Variants in ZFAT observed in about 807,000 individuals in gnomAD.
The protein encoded by ZFAT is zinc finger protein ZFAT.
In ZFAT, 64 loss-of-function variants were observed where a neutral mutation model predicts 117.7. That is an observed-to-expected ratio of 0.54 (90% CI 0.44 to 0.67). ZFAT has a LOEUF of 0.67. Among genes scored for constraint, ZFAT ranks in the 30% least tolerant of loss-of-function variants. The pLI is 0.00. For synonymous variants in ZFAT, 679 were observed against 615.0 expected, an observed-to-expected ratio of 1.10 and a Z score of -1.54; for missense variants, 1,433 against 1,584.5, an observed-to-expected ratio of 0.90 and a Z score of 1.62.
rs548556809 is a variant in ZFAT, at chr8:134,574,623, A to G, written c.2888-9202T>C. On this transcript the variant is annotated intron_variant, in intron 10 of 15. Coordinates refer to ENST00000377838, the MANE Select transcript of ZFAT (RefSeq NM_020863.4). ...CAGAACACAGAGAGAGACGGCAATGAAAAATTCCTTGGGATTTAAGGCAAC... is the reference window on the plus strand; with the variant it reads ...CAGAACACAGAGAGAGACGGCAATGGAAAATTCCTTGGGATTTAAGGCAAC... 1.6e-3 allele frequency among the ~76,000 whole-genome samples: 243 copies of G among 152,242 alleles called. 1 individual carries two copies. The highest frequency in any genetic ancestry group is 5.6e-3 in the African/African-American group (232 of 41,554).
intron 15 of ZFAT, among the ~76,000 whole-genome samples, chr8:134,483,739 T>G (rs1817475909): frequency 6.6e-6 from 1 of 152,206 alleles, no homozygotes; most frequent in African/African-American, 2.4e-5. Context: ...GGCACCGTGT[T>G]CTGCTGTTCC....
intron 1 of ZFAT, among the ~76,000 whole-genome samples, chr8:134,675,637 C>A (rs1449188742): frequency 3.3e-5 from 5 of 152,056 alleles, no homozygotes; most frequent in Non-Finnish European, 5.9e-5. Flanking sequence ...AAGAGCAACC[C>A]CAAGACACAT....
the ZFAT span, among the ~76,000 whole-genome samples, chr8:134,762,968 T>A: frequency 1.1e-4 from 17 of 152,158 alleles, no homozygotes; most frequent in Non-Finnish European, 2.1e-4. Flanking sequence ...TCCTCCCCTG[T>A]CTAAGCCACC....
upstream of ZFAT, among the ~76,000 whole-genome samples, chr8:134,717,463 A>C (rs1814223543): frequency 8.4e-5 from 2 of 23,874 alleles, no homozygotes; most frequent in African/African-American, 9.0e-5. Flanking sequence ...GTCAATAACA[A>C]CTCTTTTTTT....
the ZFAT span, among the ~76,000 whole-genome samples, chr8:134,772,100 T>A: frequency 1.1e-4 from 16 of 152,156 alleles, no homozygotes; most frequent in African/African-American, 3.9e-4. Flanking sequence ...AGGCAAACCA[T>A]ATCACTCCCT....
In ZFAT at chr8:134,600,983, G is replaced by A. The variant is rs531542166; in HGVS notation, c.2243-315C>T. 1.1e-4 allele frequency among the ~76,000 whole-genome samples: 17 copies of A among 152,180 alleles called. No individual in the cohort carries two copies. The East Asian group carries it at 1.4e-3, about 12-fold the overall frequency. ...AATCTACAAATCTCTAAGTTCTACC[G>A]GCCCTCCTGGGACAGCAGGTCTGGA... On this transcript the variant is annotated intron_variant, in intron 6 of 15. Transcript: ENST00000377838.
intron 9 of ZFAT, 61 bp downstream of exon 9, chr8:134,588,185 A>G: frequency 6.7e-7 from 1 of 1,499,108 alleles, no homozygotes; most frequent in Non-Finnish European, 8.9e-7. Flanking sequence ...ATGTACTCCC[A>G]AAATGAAGGA....
the ZFAT span, among the ~76,000 whole-genome samples, chr8:134,783,074 GTTT>G: frequency 6.6e-6 from 1 of 151,696 alleles, no homozygotes; most frequent in Admixed American, 6.6e-5. Flanking sequence ...TTTAGTAATT[GTTT>G]TGTTTTTAAG....
intron 3 of ZFAT, among the ~76,000 whole-genome samples, chr8:134,624,407 G>C (rs1197026758): frequency 6.6e-6 from 1 of 151,960 alleles, no homozygotes; most frequent in African/African-American, 2.4e-5. Context: ...TGTAATCCCA[G>C]CACTTTGGGA....
chr8:134,746,382 C>T, the ZFAT span, among the ~76,000 whole-genome samples: 260 of 152,330 alleles, frequency 1.7e-3, 3 homozygotes, highest in African/African-American at 5.6e-3. Flanking sequence ...ATGTCTAAAA[C>T]GTAGAACACC....
At chr8:134,486,567 T>C (rs1295901137) in intron 15 of ZFAT, among the ~76,000 whole-genome samples, 1 of 152,046 alleles carries the variant, frequency 6.6e-6, no homozygotes, top group African/African-American at 2.4e-5. Flanking sequence ...GCTCAGGAAA[T>C]GAACAGAGAA....
At chr8:134,523,106 C>T (rs1313395158) in intron 12 of ZFAT, among the ~76,000 whole-genome samples, 1 of 152,198 alleles carries the variant, frequency 6.6e-6, no homozygotes, top group Non-Finnish European at 1.5e-5. Flanking sequence ...TAAGATTCCT[C>T]CATCATCCTG....
the ZFAT span, among the ~76,000 whole-genome samples, chr8:134,764,144 C>T: frequency 6.6e-6 from 1 of 152,162 alleles, no homozygotes; most frequent in Admixed American, 6.5e-5. Context: ...CAAAGAATGG[C>T]TGAGAAAATA....
At chr8:134,664,650 C>T (rs558559407) in intron 1 of ZFAT, among the ~76,000 whole-genome samples, 50 of 152,296 alleles carry the variant, frequency 3.3e-4, no homozygotes, top group African/African-American at 9.4e-4. Flanking sequence ...GAGAGGGCGC[C>T]GGGTCAGGCT....
intron 2 of ZFAT, among the ~76,000 whole-genome samples, chr8:134,650,720 T>C (rs1229431964): frequency 1.3e-5 from 2 of 152,190 alleles, no homozygotes; most frequent in Non-Finnish European, 2.9e-5. Flanking sequence ...TATTGATCAA[T>C]GAAATAGAAT....
rs777855048 is a variant in ZFAT at position 134,645,592 on chromosome 8, T to C, written c.197-7880A>G. Among the ~76,000 whole-genome samples, 4 of 152,202 alleles carry C rather than the reference T, an allele frequency of 2.6e-5. No individual in the cohort carries two copies. The South Asian group carries it at 6.2e-4, about 24-fold the overall frequency. ...AGTAGGCTCAATGATAAGAATTTGA[T>C]TATTCCTGGACTACCACCATAACAT... On this transcript the variant is annotated intron_variant, in intron 2 of 15. Coordinates refer to ENST00000377838, the MANE Select transcript of ZFAT (RefSeq NM_020863.4).
intron 5 of ZFAT, among the ~76,000 whole-genome samples, chr8:134,603,431 T>C (rs984562909): frequency 6.6e-6 from 1 of 152,228 alleles, no homozygotes; most frequent in Non-Finnish European, 1.5e-5. Flanking sequence ...CTTAATGGAA[T>C]GAATTCAGTC....
At chr8:134,719,530 A>G in the ZFAT span, among the ~76,000 whole-genome samples, 2 of 152,174 alleles carry the variant, frequency 1.3e-5, no homozygotes, top group African/African-American at 4.8e-5. Flanking sequence ...AGAACTCGAA[A>G]AAGTGACCTT....
chr8:134,767,528 G>T, the ZFAT span, among the ~76,000 whole-genome samples: 1 of 152,012 alleles, frequency 6.6e-6, no homozygotes, highest in Admixed American at 6.6e-5. Flanking sequence ...ACAGGCTTTA[G>T]GTGTACCTAT....
Sources: gnomAD v4.1 joint callset for allele counts (sites outside exome capture counted in the v4.1 genomes callset) on GRCh38, gnomAD v4.1.1 for gene constraint, MANE v1.5 for transcripts, NCBI Gene and HGNC (gene_info 2026-07-23, HGNC 2026-07-21) for gene names.